RPH3A: variants seen among roughly 807,000 people sequenced by gnomAD.
RPH3A encodes the protein rabphilin-3A.
A neutral mutation model predicts 102.2 loss-of-function variants in RPH3A; 48 were observed. That is an observed-to-expected ratio of 0.47 (90% CI 0.37 to 0.60). RPH3A has a LOEUF of 0.60. Ranked by LOEUF, RPH3A falls within the 20% of genes least tolerant of loss-of-function variation. The pLI is 0.00. For missense variants in RPH3A, 781 were observed against 910.1 expected (o/e 0.86, Z 1.83); for synonymous variants, 310 against 324.3 (o/e 0.96, Z 0.47).
chr12:112,658,994 AGATT>A (rs2040032296), intron 1 of RPH3A, among the ~76,000 whole-genome samples: 1 of 152,228 alleles, frequency 6.6e-6, no homozygotes, highest in Non-Finnish European at 1.5e-5. Context: ...TGTAGTAGAT[AGATT>A]ATCTTTGTTA....
intron 1 of RPH3A, among the ~76,000 whole-genome samples, chr12:112,668,161 A>G (rs1180818423): frequency 1.3e-5 from 2 of 152,218 alleles, no homozygotes; most frequent in African/African-American, 2.4e-5. Flanking sequence ...TGTAAGATCC[A>G]TGGTGGCAGG....
chr12:112,701,015 C>T (rs2040389734), intron 1 of RPH3A, among the ~76,000 whole-genome samples: 2 of 152,168 alleles, frequency 1.3e-5, no homozygotes, highest in South Asian at 4.1e-4. Context: ...TCAGCATGGC[C>T]CCACTCTGAA....
intron 5 of RPH3A, among the ~76,000 whole-genome samples, chr12:112,857,593 C>G (rs777675002): frequency 6.6e-6 from 1 of 152,192 alleles, no homozygotes; most frequent in African/African-American, 2.4e-5. Context: ...AACAGATTCT[C>G]TCCTAGAGCC....
At chr12:112,754,017 G>C (rs1255670669) in intron 1 of RPH3A, among the ~76,000 whole-genome samples, 16 of 152,148 alleles carry the variant, frequency 1.1e-4, no homozygotes, top group Non-Finnish European at 1.5e-4. Context: ...GTGTCCTCTA[G>C]AAGCTGGAAA....
At chr12:112,855,797 A>C (rs904589970) in intron 5 of RPH3A, among the ~76,000 whole-genome samples, 1 of 152,140 alleles carries the variant, frequency 6.6e-6, no homozygotes, top group Non-Finnish European at 1.5e-5. Flanking sequence ...TAATAAACTC[A>C]ACAGTAATAT....
intron 1 of RPH3A, among the ~76,000 whole-genome samples, chr12:112,671,369 C>A (rs1344072175): frequency 6.6e-6 from 1 of 152,184 alleles, no homozygotes; most frequent in African/African-American, 2.4e-5. Flanking sequence ...TCGTGGCTAT[C>A]ATTTCATGGT....
At position 112,870,309 on chromosome 12, in the gene RPH3A, T is replaced by TTA. The variant is rs1565932223; in HGVS notation, c.796+270_796+271insTA. Among the ~76,000 whole-genome samples the TTA allele has an allele frequency of 6.7e-3, 349 of 52,158 alleles. 4 individuals are homozygous for TTA. The highest frequency in any genetic ancestry group is 0.029 in the African/African-American group (335 of 11,646). 34.2% of individuals were successfully genotyped at this position (52,158 alleles called of 152,430 possible). Reference sequence around the variant, plus strand: ...AAGCATGATTTTTTTTCTCCCCGCCTCAAAAAAAAAAAAAAAAAAACCCTG... The same window carrying TTA: ...AAGCATGATTTTTTTTCTCCCCGCCTTACAAAAAAAAAAAAAAAAAAACCCTG... On this transcript the variant is annotated intron_variant, in intron 10 of 21. Transcript: ENST00000389385.
intron 2 of RPH3A, among the ~76,000 whole-genome samples, chr12:112,801,175 C>T (rs924306115): frequency 6.6e-6 from 1 of 152,154 alleles, no homozygotes; most frequent in Admixed American, 6.5e-5. Context: ...TCTGCAGCTT[C>T]CTCTCTGATC....
intron 1 of RPH3A, among the ~76,000 whole-genome samples, chr12:112,607,645 T>C (rs923618876): frequency 6.6e-6 from 1 of 152,222 alleles, no homozygotes; most frequent in African/African-American, 2.4e-5. Context: ...TTCCAGCAAG[T>C]TATGCGGCCC....
chr12:112,821,096 G>T (rs892564071), intron 2 of RPH3A, among the ~76,000 whole-genome samples: 60 of 152,298 alleles, frequency 3.9e-4, no homozygotes, highest in Admixed American at 1.4e-3. Flanking sequence ...GGACGGGACT[G>T]GATGTGTAAG....
At chr12:112,736,185 G>A (rs1262648617) in intron 1 of RPH3A, among the ~76,000 whole-genome samples, 3 of 152,170 alleles carry the variant, frequency 2.0e-5, no homozygotes, top group African/African-American at 4.8e-5. Context: ...AAGATGTTGT[G>A]TACTACCCCT....
intron 1 of RPH3A, among the ~76,000 whole-genome samples, chr12:112,727,454 CACAG>C (rs1565862476): frequency 0.062 from 1,346 of 21,654 alleles, 32 homozygotes; most frequent in African/African-American, 0.28. Context: ...CACACACAGA[CACAG>C]ACACACACAC....
At chr12:112,719,766 G>A (rs2040539231) in intron 1 of RPH3A, among the ~76,000 whole-genome samples, 1 of 152,168 alleles carries the variant, frequency 6.6e-6, no homozygotes, top group Admixed American at 6.5e-5. Context: ...GATGGGAGAA[G>A]TTGACCAATC....
chr12:112,591,648 T>C (rs963212524), intron 1 of RPH3A: 3 of 152,260 alleles, frequency 2.0e-5, no homozygotes, highest in African/African-American at 7.2e-5. Context: ...GGGAATTGTG[T>C]GGCTCCATTT....
chr12:112,837,981 C>T (rs1213927671), intron 4 of RPH3A, among the ~76,000 whole-genome samples: 2 of 151,714 alleles, frequency 1.3e-5, no homozygotes, highest in Non-Finnish European at 1.5e-5. Context: ...ATGCTAAGCA[C>T]CAGGGACACA....
intron 2 of RPH3A, among the ~76,000 whole-genome samples, chr12:112,822,824 A>G (rs2041804223): frequency 6.6e-6 from 1 of 152,234 alleles, no homozygotes; most frequent in Non-Finnish European, 1.5e-5. Context: ...TGAGGAGATA[A>G]AACTTGAAAG....
intron 19 of RPH3A, 131 bp from the exon 20 acceptor site, chr12:112,894,447 G>T (rs2043147511): frequency 2.5e-6 from 2 of 806,304 alleles, no homozygotes; most frequent in Admixed American, 2.6e-5. Flanking sequence ...ATGCATATTG[G>T]TCATTATCAA....
intron 1 of RPH3A, among the ~76,000 whole-genome samples, chr12:112,653,119 G>T (rs889386264): frequency 1.2e-4 from 18 of 152,054 alleles, no homozygotes; most frequent in Non-Finnish European, 1.9e-4. Context: ...GGCCGAGGGA[G>T]GTGGCTCACA....
chr12:112,848,768 A>T (rs1390386632), intron 5 of RPH3A, among the ~76,000 whole-genome samples: 1 of 152,092 alleles, frequency 6.6e-6, no homozygotes, highest in Non-Finnish European at 1.5e-5. Context: ...CAGGGACAGT[A>T]CTGGAGAGCA....
Sources: allele counts gnomAD v4.1 joint callset (sites outside exome capture counted in the v4.1 genomes callset), GRCh38; gene constraint gnomAD v4.1.1; transcripts MANE v1.5; gene names NCBI Gene and HGNC (gene_info 2026-07-23, HGNC 2026-07-21).